Variants in RBFOX1 observed in about 807,000 individuals in gnomAD.
The protein encoded by RBFOX1 is RNA binding protein fox-1 homolog 1.
Under a neutral mutation model 57.7 loss-of-function variants are expected in RBFOX1, and 8 were observed. The observed-to-expected ratio is 0.14, with a 90% confidence interval of 0.08 to 0.25. RBFOX1 has a LOEUF of 0.25. Among genes scored for constraint, RBFOX1 ranks in the 10% least tolerant of loss-of-function variants. The pLI is 1.00. For missense variants in RBFOX1, 611 were observed against 548.5 expected, an observed-to-expected ratio of 1.11 and a Z score of -1.14; for synonymous variants, 326 against 222.4, an observed-to-expected ratio of 1.47 and a Z score of -4.15.
At chr16:6,604,354 T>C (rs75989791) in intron 2 of RBFOX1, among the ~76,000 whole-genome samples, 17,076 of 152,252 alleles carry the variant, frequency 0.11, 1,060 homozygotes, top group Middle Eastern at 0.19. Context: ...TAATTTATTT[T>C]TTTTAAGAGA....
chr16:6,793,405 G>A (rs369844404), intron 3 of RBFOX1, among the ~76,000 whole-genome samples: 3 of 152,044 alleles, frequency 2.0e-5, no homozygotes, highest in African/African-American at 7.2e-5. Flanking sequence ...AGGAGGGTGG[G>A]ACATTCTTAC....
chr16:5,828,124 C>T (rs2056138911), intron 3 of RBFOX1, among the ~76,000 whole-genome samples: 1 of 151,794 alleles, frequency 6.6e-6, no homozygotes, highest in Non-Finnish European at 1.5e-5. Flanking sequence ...CACTCAGCCA[C>T]CTATCCACCC....
At position 7,395,204 on chromosome 16, in the gene RBFOX1, T is replaced by A. The variant is rs182181844; in HGVS notation, c.28-122943T>A. On this transcript the variant is annotated intron_variant, in intron 4 of 15. Transcript: ENST00000550418. ...TGACAGCCAAGACCTAACTCTTGCC[T>A]GATCTATGTAGATGCATTGTTCAAA... Among the ~76,000 whole-genome samples the A allele has an allele frequency of 4.6e-5, 7 of 152,018 alleles. 1 individual carries two copies. In the South Asian group the frequency reaches 1.2e-3, roughly 27 times the overall value.
intron 2 of RBFOX1, among the ~76,000 whole-genome samples, chr16:6,522,744 C>G: frequency 6.6e-6 from 1 of 152,126 alleles, no homozygotes; most frequent in Admixed American, 6.6e-5. Context: ...TGAATTGTGT[C>G]TTCTTCTGCT....
chr16:7,476,742 A>T (rs552865208), intron 4 of RBFOX1, among the ~76,000 whole-genome samples: 1 of 152,172 alleles, frequency 6.6e-6, no homozygotes, highest in African/African-American at 2.4e-5. Flanking sequence ...TATCCTTGCA[A>T]ATCTGTACCA....
chr16:6,707,478 G>GT (rs61418784), intron 3 of RBFOX1, among the ~76,000 whole-genome samples: 7,698 of 128,192 alleles, frequency 0.06, 332 homozygotes, highest in Middle Eastern at 0.083. Context: ...TCCCATTTTT[G>GT]TTTTTTTTTT....
intron 4 of RBFOX1, among the ~76,000 whole-genome samples, chr16:7,419,065 C>T (rs757302130): frequency 5.9e-5 from 9 of 152,016 alleles, no homozygotes; most frequent in Admixed American, 3.9e-4. Context: ...TCACCACGCC[C>T]AGATAGTTTT....
intron 4 of RBFOX1, among the ~76,000 whole-genome samples, chr16:7,209,142 AAATAATAATAATAATAATAATAAT>A (rs60784195): frequency 6.3e-4 from 88 of 140,480 alleles, no homozygotes; most frequent in African/African-American, 2.2e-3. Flanking sequence ...CAAAAATACA[AAATAATAATAATAATAATAATAAT>A]AATAATAATA....
In RBFOX1 at chr16:7,619,622, A is replaced by AGCCT. The variant is rs141724932; in HGVS notation, c.677-10979_677-10976dup. Among the ~76,000 whole-genome samples the AGCCT allele has an allele frequency of 4.5e-3, 681 of 152,312 alleles. 4 individuals are homozygous for AGCCT. Among genetic ancestry groups the AGCCT allele is most frequent in the African/African-American group, 0.015 (640 of 41,562 alleles). On this transcript the variant is annotated intron_variant, in intron 10 of 15. Coordinates refer to ENST00000550418, the MANE Select transcript of RBFOX1 (RefSeq NM_018723.4). Reference sequence around the variant, plus strand: ...AATATGAAAGAAGTGACAATAGAGAAGCCTGTCTAGACAGCTTTTTAGGCT... The same window carrying AGCCT: ...AATATGAAAGAAGTGACAATAGAGAAGCCTGCCTGTCTAGACAGCTTTTTAGGCT...
intron 3 of RBFOX1, among the ~76,000 whole-genome samples, chr16:6,928,779 C>T (rs535087984): frequency 6.6e-6 from 1 of 152,222 alleles, no homozygotes; most frequent in East Asian, 1.9e-4. Context: ...TGTTTGATTT[C>T]TTTCCGCTAT....
intron 1 of RBFOX1, among the ~76,000 whole-genome samples, chr16:6,186,161 C>CA (rs940775213): frequency 3.3e-5 from 5 of 152,002 alleles, no homozygotes; most frequent in African/African-American, 9.7e-5. Context: ...AAAACAATGC[C>CA]AAAAAAATCA....
At chr16:7,647,199 T>G (rs1667329414) in intron 11 of RBFOX1, among the ~76,000 whole-genome samples, 2 of 152,162 alleles carry the variant, frequency 1.3e-5, no homozygotes, top group Admixed American at 6.5e-5. Flanking sequence ...GCTCTGTATA[T>G]AAATCTAGCT....
At chr16:6,861,704 T>C (rs1300140741) in intron 3 of RBFOX1, among the ~76,000 whole-genome samples, 1 of 152,054 alleles carries the variant, frequency 6.6e-6, no homozygotes, top group Non-Finnish European at 1.5e-5. Context: ...AAATTCGTTT[T>C]GGAAGGCCCG....
At chr16:6,799,571 C>T (rs541349670) in intron 3 of RBFOX1, among the ~76,000 whole-genome samples, 1 of 152,190 alleles carries the variant, frequency 6.6e-6, no homozygotes, top group African/African-American at 2.4e-5. Context: ...AGGAGATAAA[C>T]ACCTGAGGGA....
intron 1 of RBFOX1, among the ~76,000 whole-genome samples, chr16:6,300,592 C>G (rs1299620247): frequency 6.6e-6 from 1 of 152,092 alleles, no homozygotes; most frequent in Admixed American, 6.6e-5. Context: ...ACTCATGAAG[C>G]CTCCTTCATC....
At chr16:6,582,631 A>C (rs1437036019) in intron 2 of RBFOX1, among the ~76,000 whole-genome samples, 1 of 152,110 alleles carries the variant, frequency 6.6e-6, no homozygotes, top group Non-Finnish European at 1.5e-5. Context: ...CAAGAGGTCA[A>C]ATAAAATAAG....
intron 4 of RBFOX1, among the ~76,000 whole-genome samples, chr16:5,907,548 A>C (rs772894761): frequency 2.6e-4 from 40 of 152,176 alleles, no homozygotes; most frequent in Admixed American, 5.9e-4. Flanking sequence ...GTGTGATTTT[A>C]CGTGCTTATA....
intron 4 of RBFOX1, among the ~76,000 whole-genome samples, chr16:5,873,514 C>T (rs1270938369): frequency 2.0e-5 from 3 of 152,176 alleles, no homozygotes; most frequent in Non-Finnish European, 4.4e-5. Flanking sequence ...TTCAAGAGTC[C>T]AGAATTCTCA....
chr16:6,900,047 G>A (rs186176654), intron 3 of RBFOX1, among the ~76,000 whole-genome samples: 10 of 152,186 alleles, frequency 6.6e-5, no homozygotes, highest in East Asian at 3.9e-4. Context: ...TAGGGTTGTC[G>A]GGAGGATTAA....
Sources: gnomAD v4.1 joint callset for allele counts (sites outside exome capture counted in the v4.1 genomes callset) on GRCh38, gnomAD v4.1.1 for gene constraint, MANE v1.5 for transcripts, NCBI Gene and HGNC (gene_info 2026-07-23, HGNC 2026-07-21) for gene names.